The following PIK3C2A variants were observed in gnomAD, a reference collection of about 807,000 sequenced individuals.
PIK3C2A encodes phosphatidylinositol 4-phosphate 3-kinase C2 domain-containing subunit alpha.
Under a neutral mutation model 204.5 loss-of-function variants are expected in PIK3C2A, and 97 were observed. The ratio of observed to expected loss-of-function variants is 0.47; its 90% CI spans 0.40 to 0.56. PIK3C2A has a LOEUF of 0.56. Among genes scored for constraint, PIK3C2A ranks in the 20% least tolerant of loss-of-function variants. The pLI, the probability that PIK3C2A is intolerant of heterozygous loss-of-function variation, is 0.00. For missense variants in PIK3C2A, 1,735 were observed against 1,969.2 expected, an observed-to-expected ratio of 0.88 and a Z score of 2.25; for synonymous variants, 653 against 664.4, an observed-to-expected ratio of 0.98 and a Z score of 0.26.
intron 1 of PIK3C2A, among the ~76,000 whole-genome samples, chr11:17,203,931 G>T (rs1852471020): frequency 6.6e-6 from 1 of 152,172 alleles, no homozygotes; most frequent in Non-Finnish European, 1.5e-5. Flanking sequence ...AAAATTAGCT[G>T]GGCGTGGTGG....
chr11:17,144,605 A>G (rs1850168642), intron 8 of PIK3C2A, among the ~76,000 whole-genome samples: 1 of 152,124 alleles, frequency 6.6e-6, no homozygotes, highest in Admixed American at 6.6e-5. Flanking sequence ...TGTCAAGAAT[A>G]TAGTCTTGGC....
At position 17,168,763 on chromosome 11, in the gene PIK3C2A, A is replaced by AT; in HGVS notation, c.978dup (p.Ser327IlefsTer37). The AT allele has an allele frequency of 6.2e-7, 1 of 1,613,816 alleles. No homozygotes were observed. Among genetic ancestry groups the AT allele is most frequent in the Non-Finnish European group, 8.5e-7 (1 of 1,179,878 alleles). On this transcript the variant is annotated frameshift_variant, in exon 2 of 33. Coordinates refer to ENST00000691414, the MANE Select transcript of PIK3C2A (RefSeq NM_002645.4). LOFTEE classifies it high-confidence loss of function. ...CTTGTAACAGTTGCCACAGAAAGGGATTTTCCATTCACCTTTCTTTCAAGA... is the reference window on the plus strand; with the variant it reads ...CTTGTAACAGTTGCCACAGAAAGGGATTTTTCCATTCACCTTTCTTTCAAGA...
rs781682781 is a variant in PIK3C2A, at chr11:17,102,750, T to G, written c.3763A>C (p.Asn1255His). Reference sequence around the variant, plus strand: ...TGTCCCGTGCTTCGAAGCATTATATTGTCATTGTGTCGATCACAGATGCCT... The same window carrying G: ...TGTCCCGTGCTTCGAAGCATTATATGGTCATTGTGTCGATCACAGATGCCT... ...VLGICDRHND[N>H]IMLRSTGHMF... The change falls in exon 24 of 33, where the codon AAT (asparagine) becomes CAT (histidine). Residue 1255 changes from asparagine (N) to histidine (H), a missense_variant. Around this residue, in one of 6 missense-constraint regions of PIK3C2A, gnomAD observed 503 missense variants for 669.0 expected, o/e 0.75. Transcript: ENST00000691414. The G allele has an allele frequency of 1.2e-6, 2 of 1,613,596 alleles. No individual in the cohort carries two copies. The highest frequency in any genetic ancestry group is 1.7e-6 in the Non-Finnish European group (2 of 1,179,522).
chr11:17,132,590 A>G (rs1305883246), intron 11 of PIK3C2A, among the ~76,000 whole-genome samples: 1 of 151,944 alleles, frequency 6.6e-6, no homozygotes, highest in Non-Finnish European at 1.5e-5. Context: ...CGGCCTCCCA[A>G]AGTGCTGGGA....
At position 17,151,850 on chromosome 11, in the gene PIK3C2A, A is replaced by G. The variant is rs185600742; in HGVS notation, c.1170-1195T>C. On this transcript the variant is annotated intron_variant, in intron 3 of 32. Transcript: ENST00000691414. The stretch of plus-strand genomic sequence containing the variant: ...CCTAAGCAACAATATTAAAAATATA[A>G]TACACCTTTTCTTTATAAATTACTC... Among the ~76,000 whole-genome samples, 418 of 152,310 alleles carry G rather than the reference A, an allele frequency of 2.7e-3. 1 individual carries two copies. Among genetic ancestry groups the G allele is most frequent in the South Asian group, 6.0e-3 (29 of 4,832 alleles).
At chr11:17,198,818 A>C (rs76220339) in intron 1 of PIK3C2A, among the ~76,000 whole-genome samples, 1 of 29,090 alleles carries the variant, frequency 3.4e-5, no homozygotes, top group South Asian at 1.3e-3. Context: ...AAACAAAACA[A>C]AAAAAAAAAG....
Position 17,151,277 on chromosome 11 carries a change from G to A in PIK3C2A, c.1170-622C>T, listed in dbSNP as rs148707057. ...TCAAAATTAAATACATGAATGTGGT[G>A]TATGGCTCATCTCCAGCCAGCACTG... is the stretch of plus-strand genomic sequence containing the variant. On this transcript the variant is annotated intron_variant, in intron 3 of 32. Coordinates refer to ENST00000691414, the MANE Select transcript of PIK3C2A (RefSeq NM_002645.4). 1.0e-3 allele frequency among the ~76,000 whole-genome samples: 152 copies of A among 152,302 alleles called. 2 individuals carry two copies. In the East Asian group the frequency reaches 0.023, roughly 23 times the overall value.
chr11:17,148,579 C>T, intron 5 of PIK3C2A, 88 bp downstream of exon 5: 1 of 1,095,432 alleles, frequency 9.1e-7, no homozygotes, highest in South Asian at 1.4e-5. Flanking sequence ...TGTATTTCTG[C>T]ATTATAAATT....
intron 1 of PIK3C2A, chr11:17,194,134 C>A: frequency 1.3e-6 from 1 of 746,918 alleles, no homozygotes; most frequent in South Asian, 4.8e-5. Flanking sequence ...GACTTGCCTA[C>A]ATTGCCCACC....
In PIK3C2A at chr11:17,103,486, C is replaced by T. The variant is rs1034286551; in HGVS notation, c.3682-655G>A. On this transcript the variant is annotated intron_variant, in intron 23 of 32. Transcript: ENST00000691414. ...ATACTGTATTTCTGAGTGGTACATT[C>T]ACTTGGCCTGACTTGCCCATGTAGT... 2.5e-4 allele frequency among the ~76,000 whole-genome samples: 38 copies of T among 152,038 alleles called. 1 individual carries two copies. The highest frequency in any genetic ancestry group is 2.5e-3 in the Admixed American group (38 of 15,240).
chr11:17,122,485 G>C, intron 14 of PIK3C2A, 152 bp from the exon 15 acceptor site: 1 of 635,018 alleles, frequency 1.6e-6, no homozygotes, highest in Non-Finnish European at 2.8e-6. Flanking sequence ...GATTACCATT[G>C]TTGGTAATTC....
intron 8 of PIK3C2A, among the ~76,000 whole-genome samples, chr11:17,143,854 C>G (rs1347521846): frequency 1.3e-5 from 2 of 152,030 alleles, no homozygotes; most frequent in Non-Finnish European, 2.9e-5. Context: ...GGAGAATCAC[C>G]TGAACCCAGG....
chr11:17,155,924 T>C (rs1290690839), intron 2 of PIK3C2A, among the ~76,000 whole-genome samples: 1 of 152,170 alleles, frequency 6.6e-6, no homozygotes, highest in African/African-American at 2.4e-5. Context: ...ATAGACACTT[T>C]AGAAATTTTA....
chr11:17,162,271 G>T (rs1385094647), intron 2 of PIK3C2A, among the ~76,000 whole-genome samples: 1 of 151,540 alleles, frequency 6.6e-6, no homozygotes, highest in Non-Finnish European at 1.5e-5. Flanking sequence ...AACCCGAGAC[G>T]TGGAGGTTGC....
chr11:17,108,007 A>G (rs1409665216), intron 22 of PIK3C2A, among the ~76,000 whole-genome samples: 1 of 152,172 alleles, frequency 6.6e-6, no homozygotes, highest in Non-Finnish European at 1.5e-5. Context: ...AGCAGCCAGG[A>G]CTACAGACAT....
Position 17,099,918 on chromosome 11 carries a change from C to T in PIK3C2A, c.4060G>A (p.Val1354Ile), listed in dbSNP as rs199602571. The change falls in exon 26 of 33, where the codon GTT (valine) becomes ATT (isoleucine). Residue 1354 changes from valine (V) to isoleucine (I), a missense_variant. Transcript: ENST00000691414. ...ELTSIQDLKY[V>I]RDALQPQTTD... is the part of the protein sequence containing the mutation. Reference sequence around the variant, plus strand: ...GTTTGGGGTTGAAGTGCATCTCTAACGTATTTCAAATCTTGAATACTTGTA... The same window carrying T: ...GTTTGGGGTTGAAGTGCATCTCTAATGTATTTCAAATCTTGAATACTTGTA... 72 of 1,599,790 alleles carry T rather than the reference C, an allele frequency of 4.5e-5. No individual in the cohort carries two copies. Among genetic ancestry groups the T allele is most frequent in the Non-Finnish European group, 5.9e-5 (69 of 1,167,350 alleles).
chr11:17,154,981 C>T (rs1324590737), intron 3 of PIK3C2A, among the ~76,000 whole-genome samples: 1 of 152,166 alleles, frequency 6.6e-6, no homozygotes, highest in African/African-American at 2.4e-5. Flanking sequence ...GTTGGTTCTA[C>T]TACTGATATT....
At chr11:17,150,361 C>A in intron 4 of PIK3C2A, 137 bp downstream of exon 4, 1 of 620,864 alleles carries the variant, frequency 1.6e-6, no homozygotes, top group South Asian at 3.1e-5. Context: ...CCCACTAGTT[C>A]TAACGAGAAA....
At chr11:17,194,933 T>C (rs10832743) in intron 1 of PIK3C2A, among the ~76,000 whole-genome samples, 85,706 of 150,482 alleles carry the variant, frequency 0.57, 24,769 homozygotes, top group East Asian at 0.82. Context: ...AAAAGATTAA[T>C]TCTAACTCTT....
Sources: allele counts gnomAD v4.1 joint callset (sites outside exome capture counted in the v4.1 genomes callset), GRCh38; gene constraint gnomAD v4.1.1; regional missense constraint gnomAD v4.1.1; transcripts MANE v1.5; gene names NCBI Gene and HGNC (gene_info 2026-07-23, HGNC 2026-07-21).